The following AIG1 variants were observed in gnomAD, a reference collection of about 807,000 sequenced individuals.
The protein encoded by AIG1 is androgen induced 1.
Under a neutral mutation model 31.4 loss-of-function variants are expected in AIG1, and 23 were observed. That is an observed-to-expected ratio of 0.73 (90% CI 0.53 to 1.04). The LOEUF is 1.04. Ranked by LOEUF, AIG1 falls within the 50% of genes least tolerant of loss-of-function variation. The pLI is 0.00. For missense variants in AIG1, 274 were observed against 295.0 expected (o/e 0.93, Z 0.52); for synonymous variants, 100 against 110.5 (o/e 0.90, Z 0.60).
At chr6:143,301,475 G>T (rs1798822337) in intron 4 of AIG1, among the ~76,000 whole-genome samples, 1 of 152,212 alleles carries the variant, frequency 6.6e-6, no homozygotes, top group African/African-American at 2.4e-5. Context: ...CTGCTATGAA[G>T]ATATATTCAA....
At chr6:143,138,737 CA>C (rs1783984671) in intron 2 of AIG1, among the ~76,000 whole-genome samples, 1 of 151,728 alleles carries the variant, frequency 6.6e-6, no homozygotes, top group Admixed American at 6.6e-5. Context: ...ACTAAAAATA[CA>C]AAAAATGAGC....
At chr6:143,191,004 T>TAGCTCCCTTACAC (rs1789743802) in intron 3 of AIG1, among the ~76,000 whole-genome samples, 1 of 152,134 alleles carries the variant, frequency 6.6e-6, no homozygotes, top group African/African-American at 2.4e-5. Context: ...CTCCCTTACA[T>TAGCTCCCTTACAC]AGCTCCCTTA....
At chr6:143,162,987 T>G (rs1786544508) in intron 2 of AIG1, among the ~76,000 whole-genome samples, 1 of 152,098 alleles carries the variant, frequency 6.6e-6, no homozygotes, top group Non-Finnish European at 1.5e-5. Flanking sequence ...AAGTAGAGCC[T>G]CCCCAAGCAG....
chr6:143,151,536 A>G (rs931562147), intron 2 of AIG1, among the ~76,000 whole-genome samples: 7 of 152,170 alleles, frequency 4.6e-5, no homozygotes, highest in African/African-American at 9.7e-5. Context: ...TCCTAGCCCC[A>G]TAGCAATTCC....
intron 3 of AIG1, among the ~76,000 whole-genome samples, chr6:143,247,499 C>A (rs1794699744): frequency 6.6e-6 from 1 of 152,194 alleles, no homozygotes. Context: ...GGTTTAAAGA[C>A]CCCGTCATAA....
rs550793558 is a variant in AIG1 at position 143,082,329 on chromosome 6, G to C, written c.141+21263G>C. On this transcript the variant is annotated intron_variant, in intron 1 of 5. Transcript: ENST00000357847. ...GAGCTTCCATCAGTATACAAGTTGA[G>C]GTCGGGATCAGTCAAGGGAACCTCT... Among the ~76,000 whole-genome samples the C allele has an allele frequency of 2.0e-5, 3 of 152,240 alleles. No homozygotes were observed. The South Asian group carries it at 6.2e-4, about 32-fold the overall frequency.
At chr6:143,094,129 A>C (rs1779542839) in intron 1 of AIG1, 1 of 152,206 alleles carries the variant, frequency 6.6e-6, no homozygotes. Context: ...CCCATCTGTG[A>C]GTTGAGTGCG....
At chr6:143,342,969 A>C (rs1777885204), downstream of AIG1, 3 of 992,854 alleles carry the variant, frequency 3.0e-6, no homozygotes. Flanking sequence ...TTCTGGGTCA[A>C]GAGCAGTTCA....
intron 1 of AIG1, among the ~76,000 whole-genome samples, chr6:143,070,741 T>C (rs1777165108): frequency 6.6e-6 from 1 of 152,188 alleles, no homozygotes; most frequent in South Asian, 2.1e-4. Flanking sequence ...ATTAATCCAT[T>C]AATGGCAGAA....
In AIG1 at chr6:143,288,206, A is replaced by G. The variant is rs1162862024; in HGVS notation, c.515+3981A>G. Among the ~76,000 whole-genome samples the G allele has an allele frequency of 5.3e-5, 8 of 152,164 alleles. No individual in the cohort carries two copies. On this transcript the variant is annotated intron_variant, in intron 4 of 5. Transcript: ENST00000357847. The surrounding 1 kb of genome is among the most constrained non-coding windows in gnomAD (Gnocchi z 4.4). ...TCTGCTTCTCATTGCTCTGCCTTTC[A>G]GTCTGCAAGATACAGAAAGAGGAAA...
At chr6:143,190,366 G>A (rs566227045) in intron 3 of AIG1, 1 of 985,408 alleles carries the variant, frequency 1.0e-6, no homozygotes, top group African/African-American at 1.7e-5. Context: ...CTCTCCCACT[G>A]ACCTCAGTGC....
At chr6:143,163,553 T>G (rs2128561919) in intron 2 of AIG1, among the ~76,000 whole-genome samples, 1 of 152,272 alleles carries the variant, frequency 6.6e-6, no homozygotes, top group East Asian at 1.9e-4. Context: ...GAAAACATCC[T>G]GGTTGGTTCT....
intron 3 of AIG1, among the ~76,000 whole-genome samples, chr6:143,234,139 G>T (rs559068075): frequency 6.6e-6 from 1 of 152,278 alleles, no homozygotes; most frequent in Non-Finnish European, 1.5e-5. Flanking sequence ...CTAGGTCGGG[G>T]GTTGGTGGTC....
chr6:143,295,673 C>G (rs761836076), intron 4 of AIG1, among the ~76,000 whole-genome samples: 3 of 152,100 alleles, frequency 2.0e-5, no homozygotes, highest in African/African-American at 4.8e-5. Context: ...CTCTTTTTCT[C>G]GGGGAAGCCC....
intron 5 of AIG1, chr6:143,335,140 C>CA (rs1777376786): frequency 7.2e-7 from 1 of 1,392,440 alleles, no homozygotes; most frequent in East Asian, 2.9e-5. Flanking sequence ...TCCTCATTTA[C>CA]AAGAGGGGTC....
At chr6:143,073,177 T>C (rs1777447235) in intron 1 of AIG1, among the ~76,000 whole-genome samples, 1 of 152,250 alleles carries the variant, frequency 6.6e-6, no homozygotes, top group Non-Finnish European at 1.5e-5. Context: ...TCATGTCCTC[T>C]AGGCTCATTC....
intron 3 of AIG1, among the ~76,000 whole-genome samples, chr6:143,243,228 T>C (rs1794375831): frequency 1.3e-5 from 2 of 152,232 alleles, no homozygotes; most frequent in South Asian, 4.1e-4. Flanking sequence ...GGTATGTAGG[T>C]GCTAAAGCCT....
chr6:143,105,525 T>C (rs190969733), intron 1 of AIG1, among the ~76,000 whole-genome samples: 1 of 152,368 alleles, frequency 6.6e-6, no homozygotes, highest in Admixed American at 6.5e-5. Flanking sequence ...GAGTGGGTTT[T>C]ACTGAGAAAA....
chr6:143,188,625 AT>A, intron 3 of AIG1: 1 of 985,060 alleles, frequency 1.0e-6, no homozygotes, highest in Non-Finnish European at 1.2e-6. Context: ...AGATTTGTAT[AT>A]AAAATCTGAT....
Sources: allele counts gnomAD v4.1 joint callset (sites outside exome capture counted in the v4.1 genomes callset), GRCh38; gene constraint gnomAD v4.1.1; non-coding constraint Gnocchi (gnomAD v3.1); transcripts MANE v1.5; gene names NCBI Gene and HGNC (gene_info 2026-07-23, HGNC 2026-07-21).